The following TUSC3 variants were observed in gnomAD, a reference collection of about 807,000 sequenced individuals.
The protein encoded by TUSC3 is tumor suppressor candidate 3.
Under a neutral mutation model 44.8 loss-of-function variants are expected in TUSC3, and 45 were observed. The ratio of observed to expected loss-of-function variants is 1.00; its 90% confidence interval spans 0.79 to 1.29. TUSC3 has a LOEUF of 1.29. TUSC3 is among the 50% of genes most tolerant of loss of function. The pLI is 0.00. For missense variants in TUSC3, 519 were observed against 437.9 expected (o/e 1.19, Z -1.65); for synonymous variants, 212 against 152.9 (o/e 1.39, Z -2.85).
downstream of TUSC3, among the ~76,000 whole-genome samples, chr8:15,770,609 TTAAAA>T (rs1812425147): frequency 6.6e-6 from 1 of 152,074 alleles, no homozygotes; most frequent in Admixed American, 6.6e-5. Flanking sequence ...AAATATGATC[TTAAAA>T]TGAATCAGTT....
intron 1 of TUSC3, among the ~76,000 whole-genome samples, chr8:15,598,587 G>GTCTGTGTCTCAT (rs11275085): frequency 6.6e-6 from 1 of 151,200 alleles, no homozygotes; most frequent in Non-Finnish European, 1.5e-5. Context: ...CCTAAAACTC[G>GTCTGTGTCTCAT]TCATACTTCC....
At chr8:15,584,216 T>C (rs1463072307) in intron 1 of TUSC3, among the ~76,000 whole-genome samples, 1 of 152,228 alleles carries the variant, frequency 6.6e-6, no homozygotes, top group Non-Finnish European at 1.5e-5. Context: ...AGAACCAATG[T>C]GTTGGCGTGT....
intron 1 of TUSC3, among the ~76,000 whole-genome samples, chr8:15,607,508 C>A (rs1279324972): frequency 3.3e-5 from 5 of 152,048 alleles, no homozygotes; most frequent in African/African-American, 1.2e-4. Flanking sequence ...CATGTCACCA[C>A]CTACAAACAA....
rs765773807 is a variant in TUSC3, at chr8:15,743,550, C to A, written c.875C>A (p.Thr292Asn). ...ACAACTACTGCAGATGCCGCTATCA[C>A]CATGGGGATGGTTCTTCTAAATGAA... Reference protein sequence around the residue: ...HIILVLNAAITMGMVLLNEAA... With the variant: ...HIILVLNAAINMGMVLLNEAA... The change falls in exon 8 of 11, where the codon ACC (threonine) becomes AAC (asparagine). Residue 292 changes from threonine (T) to asparagine (N), a missense_variant. Physicochemically the swap from Thr to Asn is moderately conservative, Grantham distance 65. Transcript: ENST00000503731. 6.2e-7 allele frequency: 1 copy of A among 1,613,898 alleles called. No individual in the cohort carries two copies. The highest frequency in any genetic ancestry group is 8.5e-7 in the Non-Finnish European group (1 of 1,179,848).
intron 2 of TUSC3, among the ~76,000 whole-genome samples, chr8:15,640,172 C>G (rs1000512084): frequency 6.6e-6 from 1 of 152,170 alleles, no homozygotes; most frequent in Non-Finnish European, 1.5e-5. Context: ...ATTTTGCCAC[C>G]TACCATGCAG....
intron 2 of TUSC3, among the ~76,000 whole-genome samples, chr8:15,501,256 C>T (rs907331636): frequency 1.3e-5 from 2 of 152,166 alleles, no homozygotes; most frequent in African/African-American, 2.4e-5. Context: ...CTCTTTACTT[C>T]ATAATTTTAT....
rs1463658357 is a variant in TUSC3 at position 15,502,909 on chromosome 8, G to C, written n.189+19426G>C. On this transcript the variant is annotated intron_variant and non_coding_transcript_variant, in intron 2 of 5. Coordinates refer to the TUSC3 transcript ENST00000503191. ...TACTCATTTTACTCCTTACATGTTT[G>C]ACGAAGTCTTTATTCTATTTTTTAT... Among the ~76,000 whole-genome samples the C allele has an allele frequency of 2.0e-5, 3 of 152,150 alleles. No individual in the cohort carries two copies. The East Asian group carries it at 5.8e-4, about 29-fold the overall frequency.
intron 2 of TUSC3, among the ~76,000 whole-genome samples, chr8:15,525,665 A>G (rs983467257): frequency 2.6e-5 from 4 of 152,150 alleles, no homozygotes; most frequent in Non-Finnish European, 4.4e-5. Flanking sequence ...ATCCAGAAAG[A>G]CAGAGCTCAT....
the TUSC3 span, among the ~76,000 whole-genome samples, chr8:15,775,483 C>G: frequency 2.0e-5 from 3 of 151,934 alleles, no homozygotes; most frequent in Non-Finnish European, 4.4e-5. Flanking sequence ...CACCACAATA[C>G]AAATTGTGCA....
At chr8:15,707,597 A>C (rs1809668451) in intron 6 of TUSC3, among the ~76,000 whole-genome samples, 1 of 151,942 alleles carries the variant, frequency 6.6e-6, no homozygotes, top group Non-Finnish European at 1.5e-5. Context: ...ATCAAATATA[A>C]TGTTGAATAT....
At chr8:15,762,903 A>ATTC (rs1554489541) in intron 10 of TUSC3, among the ~76,000 whole-genome samples, 37,995 of 84,444 alleles carry the variant, frequency 0.45, 5,092 homozygotes, top group East Asian at 0.54. Flanking sequence ...TACTGCTGAC[A>ATTC]TTCTTCATGG....
chr8:15,810,737 T>C, the TUSC3 span, among the ~76,000 whole-genome samples: 1 of 152,190 alleles, frequency 6.6e-6, no homozygotes, highest in Non-Finnish European at 1.5e-5. Context: ...GCCAGCAGAT[T>C]GAAGTCGCCC....
intron 1 of TUSC3, among the ~76,000 whole-genome samples, chr8:15,450,692 T>A (rs1056226707): frequency 3.3e-5 from 5 of 152,040 alleles, no homozygotes; most frequent in Non-Finnish European, 7.4e-5. Context: ...GTAAAAATAA[T>A]AAAAGTATAC....
At chr8:15,482,598 T>C (rs1171212487) in intron 1 of TUSC3, among the ~76,000 whole-genome samples, 1 of 152,236 alleles carries the variant, frequency 6.6e-6, no homozygotes, top group East Asian at 1.9e-4. Flanking sequence ...AGAAGATTAA[T>C]GTTGTTTTCA....
At chr8:15,469,844 C>T (rs1196963414) in intron 1 of TUSC3, among the ~76,000 whole-genome samples, 1 of 152,108 alleles carries the variant, frequency 6.6e-6, no homozygotes, top group Non-Finnish European at 1.5e-5. Context: ...CATGAAAAGA[C>T]AGGGAAGAAA....
the TUSC3 span, among the ~76,000 whole-genome samples, chr8:15,778,905 T>C: frequency 5.3e-5 from 8 of 152,160 alleles, no homozygotes; most frequent in African/African-American, 1.9e-4. Context: ...GAGTTTTCTG[T>C]CCTTCTGAGT....
the TUSC3 span, among the ~76,000 whole-genome samples, chr8:15,778,487 C>G: frequency 6.6e-6 from 1 of 151,900 alleles, no homozygotes; most frequent in Non-Finnish European, 1.5e-5. Context: ...TTTTTTAATA[C>G]AAGCATCTTT....
intron 6 of TUSC3, among the ~76,000 whole-genome samples, chr8:15,717,891 C>A (rs1476687267): frequency 6.6e-6 from 1 of 151,976 alleles, no homozygotes; most frequent in Non-Finnish European, 1.5e-5. Context: ...GAGTGTTAAA[C>A]AAAATACTTA....
At chr8:15,554,056 T>C (rs1227711680) in intron 1 of TUSC3, among the ~76,000 whole-genome samples, 1 of 151,600 alleles carries the variant, frequency 6.6e-6, no homozygotes, top group Non-Finnish European at 1.5e-5. Context: ...GATCCGTGTC[T>C]GGTGAGGCCC....
Sources: gnomAD v4.1 joint callset for allele counts (sites outside exome capture counted in the v4.1 genomes callset) on GRCh38, gnomAD v4.1.1 for gene constraint, MANE v1.5 for transcripts, NCBI Gene and HGNC (gene_info 2026-07-23, HGNC 2026-07-21) for gene names.